The following KHDRBS3 variants were observed in gnomAD, a reference collection of about 807,000 sequenced individuals.
The protein encoded by KHDRBS3 is KH domain-containing, RNA-binding, signal transduction-associated protein 3.
In KHDRBS3, 23 loss-of-function variants were observed where a neutral mutation model predicts 45.6. The observed-to-expected ratio is 0.50, with a 90% CI of 0.36 to 0.72. The LOEUF is 0.72. KHDRBS3 is among the 30% of genes least tolerant of loss of function. The pLI is 0.00. For synonymous variants in KHDRBS3, 162 were observed against 156.5 expected (o/e 1.04, Z -0.26); for missense variants, 352 against 424.8 (o/e 0.83, Z 1.51).
At chr8:135,474,666 T>C (rs1008876321) in intron 1 of KHDRBS3, among the ~76,000 whole-genome samples, 1 of 152,194 alleles carries the variant, frequency 6.6e-6, no homozygotes, top group South Asian at 2.1e-4. Flanking sequence ...GGTGTATCTG[T>C]GTAGGAAAAA....
At chr8:135,528,261 A>C (rs757904895) in intron 2 of KHDRBS3, among the ~76,000 whole-genome samples, 1 of 152,194 alleles carries the variant, frequency 6.6e-6, no homozygotes, top group Non-Finnish European at 1.5e-5. Context: ...TTGAGAGATA[A>C]AACATGTCTG....
At chr8:135,511,801 G>T (rs957721799) in intron 1 of KHDRBS3, among the ~76,000 whole-genome samples, 1 of 151,966 alleles carries the variant, frequency 6.6e-6, no homozygotes. Flanking sequence ...CTCGTAATCC[G>T]CCCGTCTCGG....
intron 7 of KHDRBS3, among the ~76,000 whole-genome samples, chr8:135,635,617 A>C (rs1285880291): frequency 6.6e-6 from 1 of 152,182 alleles, no homozygotes; most frequent in Non-Finnish European, 1.5e-5. Flanking sequence ...TCCCAACCTC[A>C]GGTGATCCAC....
intron 5 of KHDRBS3, among the ~76,000 whole-genome samples, chr8:135,558,600 A>G (rs564599785): frequency 6.6e-6 from 1 of 152,308 alleles, no homozygotes; most frequent in South Asian, 2.1e-4. Context: ...ATTAATAAAA[A>G]GAGCTAATAG....
At chr8:135,621,883 T>C (rs1232812235) in intron 7 of KHDRBS3, among the ~76,000 whole-genome samples, 1 of 152,056 alleles carries the variant, frequency 6.6e-6, no homozygotes, top group Non-Finnish European at 1.5e-5. Context: ...GCTCAGGAGT[T>C]CCACAGATTT....
intron 5 of KHDRBS3, among the ~76,000 whole-genome samples, chr8:135,574,940 A>C (rs925510865): frequency 3.3e-5 from 5 of 152,128 alleles, no homozygotes; most frequent in Admixed American, 2.6e-4. Context: ...GCCTCATTTC[A>C]TAGTTGAGGA....
At chr8:135,582,845 C>T (rs1828283049) in intron 6 of KHDRBS3, among the ~76,000 whole-genome samples, 1 of 152,212 alleles carries the variant, frequency 6.6e-6, no homozygotes, top group African/African-American at 2.4e-5. Flanking sequence ...TTGCTAGGTG[C>T]TCTGTGCCTC....
chr8:135,537,287 T>A (rs1825829882), intron 2 of KHDRBS3, among the ~76,000 whole-genome samples: 1 of 152,206 alleles, frequency 6.6e-6, no homozygotes, highest in Non-Finnish European at 1.5e-5. Context: ...CCCTTTATTA[T>A]ACTAATCAGC....
chr8:135,480,590 C>G (rs1332114502), intron 1 of KHDRBS3, among the ~76,000 whole-genome samples: 1 of 151,952 alleles, frequency 6.6e-6, no homozygotes, highest in Non-Finnish European at 1.5e-5. Flanking sequence ...ATAGAAGGCA[C>G]TCTTTACATA....
At chr8:135,505,325 C>G (rs982039047) in intron 1 of KHDRBS3, among the ~76,000 whole-genome samples, 1 of 152,156 alleles carries the variant, frequency 6.6e-6, no homozygotes, top group Admixed American at 6.5e-5. Flanking sequence ...AGTGCTGAGG[C>G]TTGGTCTGTC....
intron 1 of KHDRBS3, among the ~76,000 whole-genome samples, chr8:135,505,946 G>A (rs780861277): frequency 2.6e-5 from 4 of 152,236 alleles, no homozygotes; most frequent in South Asian, 2.1e-4. Flanking sequence ...TTCCCGATTC[G>A]CAGAACCTCA....
chr8:135,566,648 A>G (rs953406216), intron 5 of KHDRBS3, among the ~76,000 whole-genome samples: 17 of 152,168 alleles, frequency 1.1e-4, no homozygotes, highest in African/African-American at 3.9e-4. Flanking sequence ...TGAGCCCATG[A>G]GTTTGTGACC....
At chr8:135,582,576 C>T (rs755849735) in intron 6 of KHDRBS3, among the ~76,000 whole-genome samples, 2 of 152,252 alleles carry the variant, frequency 1.3e-5, no homozygotes, top group East Asian at 1.9e-4. Context: ...TATCATTCAG[C>T]GATTCTTTGA....
At chr8:135,555,573 G>A (rs2130824012) in intron 4 of KHDRBS3, among the ~76,000 whole-genome samples, 1 of 152,162 alleles carries the variant, frequency 6.6e-6, no homozygotes, top group Middle Eastern at 3.4e-3. Context: ...CATGAAGTAT[G>A]TGGGGCTCTC....
intron 4 of KHDRBS3, among the ~76,000 whole-genome samples, chr8:135,555,226 C>A (rs1189290382): frequency 6.6e-6 from 1 of 152,118 alleles, no homozygotes; most frequent in Non-Finnish European, 1.5e-5. Flanking sequence ...CTTGCCACAC[C>A]TTTTCAGTAT....
At chr8:135,477,141 A>G (rs1563706380) in intron 1 of KHDRBS3, among the ~76,000 whole-genome samples, 2 of 152,174 alleles carry the variant, frequency 1.3e-5, no homozygotes, top group Admixed American at 6.5e-5. Flanking sequence ...AATAATGTAT[A>G]TAGGTTACAT....
intron 4 of KHDRBS3, among the ~76,000 whole-genome samples, chr8:135,552,489 C>G (rs1023399113): frequency 1.3e-5 from 2 of 152,132 alleles, no homozygotes; most frequent in African/African-American, 4.8e-5. Flanking sequence ...AAGACAGCCT[C>G]TTTGTACTGC....
At chr8:135,571,107 G>C (rs1373870844) in intron 5 of KHDRBS3, among the ~76,000 whole-genome samples, 1 of 152,162 alleles carries the variant, frequency 6.6e-6, no homozygotes, top group Non-Finnish European at 1.5e-5. Context: ...GATTCTCTCA[G>C]TTACAGCTCA....
chr8:135,473,300 C>T (rs1313261647), intron 1 of KHDRBS3, among the ~76,000 whole-genome samples: 2 of 152,142 alleles, frequency 1.3e-5, no homozygotes, highest in African/African-American at 4.8e-5. Flanking sequence ...TTCACACTTT[C>T]CATTTAGACG....
Sources: allele counts gnomAD v4.1 joint callset (sites outside exome capture counted in the v4.1 genomes callset), GRCh38; gene constraint gnomAD v4.1.1; transcripts MANE v1.5; gene names NCBI Gene and HGNC (gene_info 2026-07-23, HGNC 2026-07-21).